TTLL7: variants seen among roughly 807,000 people sequenced by gnomAD.
TTLL7 encodes the protein tubulin polyglutamylase TTLL7.
TTLL7 carries 53 observed loss-of-function variants against 120.2 expected under a neutral mutation model. The ratio of observed to expected loss-of-function variants is 0.44; its 90% CI spans 0.35 to 0.55. TTLL7 has a LOEUF of 0.55. Among genes scored for constraint, TTLL7 ranks in the 20% least tolerant of loss-of-function variants. The probability of loss-of-function intolerance (pLI) is 0.00; values close to 1 mark genes in which losing one functional copy is unlikely to be tolerated. For missense variants in TTLL7, 803 were observed against 1,054.7 expected (o/e 0.76, Z 3.31); for synonymous variants, 353 against 351.7 (o/e 1.00, Z -0.04).
intron 7 of TTLL7, among the ~76,000 whole-genome samples, chr1:83,938,243 G>A (rs993795263): frequency 5.3e-5 from 8 of 152,090 alleles, no homozygotes; most frequent in South Asian, 2.1e-4. Context: ...CATATTATTC[G>A]AAATATATCT....
intron 9 of TTLL7, among the ~76,000 whole-genome samples, chr1:83,930,766 A>G (rs936672147): frequency 6.6e-6 from 1 of 152,030 alleles, no homozygotes; most frequent in African/African-American, 2.4e-5. Context: ...TCCATTCCAA[A>G]TTTCAGTGTG....
Position 83,867,727 on chromosome 1 carries a change from G to A in TTLL7, c.*2235C>T, listed in dbSNP as rs1653010871. ...GAAACTGGGCTGTTATCATATATCA[G>A]ACACTTATATATATATTTTTGTGGC... On this transcript the variant is annotated 3_prime_UTR_variant, in exon 21 of 21. Transcript: ENST00000260505. The A allele has an allele frequency of 6.7e-6, 1 of 149,960 alleles. No homozygotes were observed. 9.3% of individuals were successfully genotyped at this position (149,960 alleles called of 1,614,324 possible). A position where few individuals can be genotyped will look rare whatever the true frequency, so the allele number is the denominator to read the frequency against.
chr1:83,880,612 G>A (rs866824043), intron 20 of TTLL7, among the ~76,000 whole-genome samples: 5 of 152,012 alleles, frequency 3.3e-5, no homozygotes, highest in Middle Eastern at 3.4e-3. Flanking sequence ...GTATCACTTA[G>A]TGTTTCAAAG....
intron 9 of TTLL7, among the ~76,000 whole-genome samples, chr1:83,932,220 T>C (rs1040183615): frequency 6.6e-6 from 1 of 152,092 alleles, no homozygotes; most frequent in African/African-American, 2.4e-5. Context: ...CCTACTATCC[T>C]CCTTATGCAT....
intron 1 of TTLL7, chr1:83,984,360 A>C (rs1299100195): frequency 6.6e-6 from 1 of 152,222 alleles, no homozygotes; most frequent in Non-Finnish European, 1.5e-5. Flanking sequence ...GGCAGTTTGG[A>C]GATTTCTCAA....
intron 1 of TTLL7, among the ~76,000 whole-genome samples, chr1:83,984,546 T>C (rs899615947): frequency 6.6e-6 from 1 of 152,246 alleles, no homozygotes; most frequent in Admixed American, 6.5e-5. Flanking sequence ...AACAGTGGAC[T>C]GGATAAATAC....
chr1:83,881,211 CA>C (rs1302187098), intron 20 of TTLL7, among the ~76,000 whole-genome samples: 1 of 151,674 alleles, frequency 6.6e-6, no homozygotes, highest in Non-Finnish European at 1.5e-5. Flanking sequence ...ACACCAAAAG[CA>C]ATGGCAAAAA....
At chr1:83,883,977 A>G (rs138296237) in intron 19 of TTLL7, among the ~76,000 whole-genome samples, 47 of 152,016 alleles carry the variant, frequency 3.1e-4, no homozygotes, top group Middle Eastern at 3.4e-3. Context: ...AACTCAGCTT[A>G]TTCCAAAGCA....
At chr1:83,970,272 AAACT>A (rs535984277) in intron 1 of TTLL7, among the ~76,000 whole-genome samples, 157 of 152,230 alleles carry the variant, frequency 1.0e-3, no homozygotes, top group Middle Eastern at 3.4e-3. Flanking sequence ...ATAAAAATGT[AAACT>A]AACTGATTCC....
intron 9 of TTLL7, among the ~76,000 whole-genome samples, chr1:83,930,654 C>T (rs1659519589): frequency 6.6e-6 from 1 of 152,116 alleles, no homozygotes; most frequent in South Asian, 2.1e-4. Flanking sequence ...GACAGTGTTG[C>T]CACTATATGT....
At chr1:83,917,491 C>A (rs2100786942) in intron 14 of TTLL7, 113 bp downstream of exon 14, 2 of 720,346 alleles carry the variant, frequency 2.8e-6, no homozygotes, top group South Asian at 4.0e-5. Context: ...GCACTGGGCA[C>A]ACAGTCCCTG....
Position 83,917,593 on chromosome 1 carries a change from A to G in TTLL7, c.1587+11T>C, listed in dbSNP as rs765638123. 3.8e-6 allele frequency: 6 copies of G among 1,582,774 alleles called. No homozygotes were observed. Among genetic ancestry groups the G allele is most frequent in the Non-Finnish European group, 5.2e-6 (6 of 1,151,666 alleles). Reference sequence around the variant, plus strand: ...ACTTTGATAAGTAAGGAAGGTAGAGATATACTGCACCTTTGGTCCTCGAGT... The same window carrying G: ...ACTTTGATAAGTAAGGAAGGTAGAGGTATACTGCACCTTTGGTCCTCGAGT... On this transcript the variant is annotated intron_variant, in intron 14 of 20. Transcript: ENST00000260505.
chr1:83,930,724 T>A (rs1344526793), intron 9 of TTLL7, among the ~76,000 whole-genome samples: 1 of 152,152 alleles, frequency 6.6e-6, no homozygotes, highest in Non-Finnish European at 1.5e-5. Flanking sequence ...TCCATTGGCA[T>A]GTTATCTGTC....
chr1:83,881,077 T>C (rs1367363579), intron 20 of TTLL7, among the ~76,000 whole-genome samples: 1 of 150,536 alleles, frequency 6.6e-6, no homozygotes, highest in African/African-American at 2.4e-5. Context: ...TTACACCTTA[T>C]ACAAAAATTA....
chr1:83,944,012 T>TA (rs1056569100), intron 6 of TTLL7, among the ~76,000 whole-genome samples: 65 of 151,650 alleles, frequency 4.3e-4, no homozygotes, highest in Non-Finnish European at 7.5e-4. Flanking sequence ...ATAACTGAGA[T>TA]AAAAAAATTC....
chr1:83,926,170 G>T (rs1187348997), intron 10 of TTLL7, among the ~76,000 whole-genome samples: 3 of 151,912 alleles, frequency 2.0e-5, no homozygotes, highest in Middle Eastern at 6.9e-3. Flanking sequence ...AACCTTTGTG[G>T]GTTGGAGGTA....
intron 7 of TTLL7, among the ~76,000 whole-genome samples, chr1:83,940,190 G>A (rs1299088365): frequency 6.6e-6 from 1 of 151,882 alleles, no homozygotes; most frequent in Non-Finnish European, 1.5e-5. Context: ...TAATCCCACT[G>A]GACTTAAGAT....
chr1:83,871,073 G>T (rs1229653385), intron 20 of TTLL7, among the ~76,000 whole-genome samples: 1 of 148,582 alleles, frequency 6.7e-6, no homozygotes, highest in Non-Finnish European at 1.5e-5. Flanking sequence ...ATATTATATA[G>T]TAATATTTAT....
intron 1 of TTLL7, among the ~76,000 whole-genome samples, chr1:83,953,889 G>C (rs1469785473): frequency 6.6e-6 from 1 of 152,098 alleles, no homozygotes; most frequent in Non-Finnish European, 1.5e-5. Context: ...CATATTCTGG[G>C]AATTTGCAAT....
Sources: gnomAD v4.1 joint callset for allele counts (sites outside exome capture counted in the v4.1 genomes callset) on GRCh38, gnomAD v4.1.1 for gene constraint, MANE v1.5 for transcripts, NCBI Gene and HGNC (gene_info 2026-07-23, HGNC 2026-07-21) for gene names.